The following NAV1 variants were observed in gnomAD, a reference collection of about 807,000 sequenced individuals.
NAV1 encodes neuron navigator 1.
In NAV1, 18 loss-of-function variants were observed where a neutral mutation model predicts 175.2. The ratio of observed to expected loss-of-function variants is 0.10; its 90% CI spans 0.07 to 0.15. NAV1 has a LOEUF of 0.15. Among genes scored for constraint, NAV1 ranks in the 10% least tolerant of loss-of-function variants. The probability of loss-of-function intolerance (pLI) is 1.00; values close to 1 mark genes in which losing one functional copy is unlikely to be tolerated. For missense variants in NAV1, 1,731 were observed against 2,436.6 expected (o/e 0.71, Z 6.10); for synonymous variants, 897 against 978.7 (o/e 0.92, Z 1.56).
Position 201,740,106 on chromosome 1 carries a change from G to T in NAV1, c.1226+21351G>T. 7.0e-7 allele frequency: 1 copy of T among 1,426,206 alleles called. No homozygotes were observed. The allele number at this position is 1,426,206 out of a possible 1,614,324, so 88.3% of individuals were successfully genotyped here. On this transcript the variant is annotated intron_variant, in intron 3 of 29. Coordinates refer to ENST00000367296, the Ensembl canonical transcript of NAV1. The surrounding 1 kb of genome is among the most constrained non-coding windows in gnomAD (Gnocchi z 4.7). ...GCGCCCCCACCCCCCTGGCCTCACCGCCAGACCGCAGAGCTGGGGTCGGGT... is the reference window on the plus strand; with the variant it reads ...GCGCCCCCACCCCCCTGGCCTCACCTCCAGACCGCAGAGCTGGGGTCGGGT...
rs116484778 is a variant in NAV1 at position 201,789,239 on chromosome 1, A to G, written c.3167-501A>G. ...CTACAGACATGCTTTAGTTCTCACCATAGGTTCTACTGAATAATCAGAATG... is the reference window on the plus strand; with the variant it reads ...CTACAGACATGCTTTAGTTCTCACCGTAGGTTCTACTGAATAATCAGAATG... On this transcript the variant is annotated intron_variant, in intron 10 of 29. Transcript: ENST00000367296. Among the ~76,000 whole-genome samples, 1,169 of 152,248 alleles carry G rather than the reference A, an allele frequency of 7.7e-3. 12 individuals carry two copies. The highest frequency in any genetic ancestry group is 0.026 in the African/African-American group (1,092 of 41,536).
intron 3 of NAV1, among the ~76,000 whole-genome samples, chr1:201,736,976 C>G (rs1334486435): frequency 6.6e-6 from 1 of 151,946 alleles, no homozygotes; most frequent in Non-Finnish European, 1.5e-5. Flanking sequence ...CTTCATTGCC[C>G]ATCCCCCACC....
chr1:201,579,197 A>C (rs1666777024), intron 1 of NAV1, among the ~76,000 whole-genome samples: 1 of 152,036 alleles, frequency 6.6e-6, no homozygotes, highest in Non-Finnish European at 1.5e-5. Context: ...TGGAGAAAGC[A>C]GGCTTTTGTT....
intron 2 of NAV1, among the ~76,000 whole-genome samples, chr1:201,592,160 C>T (rs1291968978): frequency 6.6e-6 from 1 of 152,222 alleles, no homozygotes. Flanking sequence ...ACCAGCCACA[C>T]CTGCATGGGC....
At chr1:201,765,074 G>C (rs755589133) in intron 3 of NAV1, among the ~76,000 whole-genome samples, 1 of 152,192 alleles carries the variant, frequency 6.6e-6, no homozygotes, top group Admixed American at 6.5e-5. Context: ...ACTAGATTTA[G>C]AACCAAGCAG....
intron 2 of NAV1, among the ~76,000 whole-genome samples, chr1:201,604,242 G>A (rs1055461031): frequency 1.3e-5 from 2 of 152,132 alleles, no homozygotes; most frequent in African/African-American, 2.4e-5. Flanking sequence ...TTTTGTAGAG[G>A]TGGTGATCTT....
At chr1:201,741,328 GC>G (rs1051650721) in intron 3 of NAV1, among the ~76,000 whole-genome samples, 2 of 152,144 alleles carry the variant, frequency 1.3e-5, no homozygotes, top group African/African-American at 2.4e-5. Context: ...CAGCCCTGAA[GC>G]CCCCCTGGAA....
At chr1:201,680,949 T>A (rs765427358) in intron 1 of NAV1, among the ~76,000 whole-genome samples, 2 of 152,192 alleles carry the variant, frequency 1.3e-5, no homozygotes, top group Admixed American at 6.5e-5. Context: ...CCTGGTTCAA[T>A]CGCAAGTCTT....
In NAV1 at chr1:201,782,648, T is replaced by G. The variant is rs1305756395; in HGVS notation, c.2136T>G (p.Pro712=). 1 of 1,614,088 alleles carries G rather than the reference T, an allele frequency of 6.2e-7. No individual in the cohort carries two copies. Among genetic ancestry groups the G allele is most frequent in the Non-Finnish European group, 8.5e-7 (1 of 1,180,020 alleles). The change falls in exon 6 of 30, where the codon CCT becomes CCG. Residue 712 remains proline (P), a synonymous_variant. Transcript: ENST00000367296. The surrounding 1 kb of genome is among the most constrained non-coding windows in gnomAD (Gnocchi z 5.4). ...GCACCAAGCAGGGAGGCCTTACGCCTTCCAGACTGAAGGAGCCTACCAAGG... is the reference window on the plus strand; with the variant it reads ...GCACCAAGCAGGGAGGCCTTACGCCGTCCAGACTGAAGGAGCCTACCAAGG...
intron 3 of NAV1, among the ~76,000 whole-genome samples, chr1:201,743,000 A>C (rs1673529699): frequency 6.6e-6 from 1 of 152,156 alleles, no homozygotes; most frequent in Non-Finnish European, 1.5e-5. Flanking sequence ...AGGCTGTAAA[A>C]CACAAGCCAT....
intron 1 of NAV1, among the ~76,000 whole-genome samples, chr1:201,557,852 G>A (rs558296485): frequency 3.0e-4 from 46 of 152,274 alleles, no homozygotes; most frequent in Middle Eastern, 3.4e-3. Flanking sequence ...GTAGAAGGAC[G>A]AAAGGACTCC....
chr1:201,781,417 C>A, intron 5 of NAV1, 108 bp downstream of exon 9: 1 of 1,099,184 alleles, frequency 9.1e-7, no homozygotes, highest in Non-Finnish European at 1.3e-6. Flanking sequence ...TTGCATAGTG[C>A]TTTAACAGAC....
chr1:201,581,921 C>T (rs1300132937), intron 1 of NAV1, among the ~76,000 whole-genome samples: 3 of 151,994 alleles, frequency 2.0e-5, no homozygotes, highest in Non-Finnish European at 2.9e-5. Flanking sequence ...ACGGTGAAAC[C>T]CCGTCTCTAC....
At chr1:201,776,823 G>T (rs1256358) in intron 3 of NAV1, among the ~76,000 whole-genome samples, 71,137 of 151,660 alleles carry the variant, frequency 0.47, 17,008 homozygotes, top group African/African-American at 0.56. Context: ...GGTAATGAGT[G>T]TGTAGATTCA....
chr1:201,727,093 T>C (rs1207720104), intron 3 of NAV1, among the ~76,000 whole-genome samples: 1 of 152,218 alleles, frequency 6.6e-6, no homozygotes, highest in Non-Finnish European at 1.5e-5. Flanking sequence ...GTAAGATTAA[T>C]GTGAGGATTA....
At chr1:201,540,372 G>C (rs1363225370) in intron 1 of NAV1, among the ~76,000 whole-genome samples, 1 of 152,194 alleles carries the variant, frequency 6.6e-6, no homozygotes, top group Non-Finnish European at 1.5e-5. Context: ...CCATTGGCTC[G>C]TTCAAATTCA....
At chr1:201,708,473 C>T (rs956757154) in intron 1 of NAV1, among the ~76,000 whole-genome samples, 1 of 151,694 alleles carries the variant, frequency 6.6e-6, no homozygotes, top group Non-Finnish European at 1.5e-5. Flanking sequence ...CATACACACA[C>T]TTCACTCTTG....
At chr1:201,768,428 A>T (rs1675350027) in intron 3 of NAV1, among the ~76,000 whole-genome samples, 1 of 151,836 alleles carries the variant, frequency 6.6e-6, no homozygotes. Flanking sequence ...GCTTGAGCTC[A>T]GTAGTTTGGA....
At chr1:201,650,893 C>A (rs1423479640) in intron 1 of NAV1, among the ~76,000 whole-genome samples, 2 of 152,168 alleles carry the variant, frequency 1.3e-5, no homozygotes, top group Admixed American at 6.5e-5. Flanking sequence ...GCTGACCAGG[C>A]AGCCTCACTC....
Sources: allele counts gnomAD v4.1 joint callset (sites outside exome capture counted in the v4.1 genomes callset), GRCh38; gene constraint gnomAD v4.1.1; non-coding constraint Gnocchi (gnomAD v3.1); transcripts MANE v1.5; gene names NCBI Gene and HGNC (gene_info 2026-07-23, HGNC 2026-07-21).